NELL1: variants seen among roughly 807,000 people sequenced by gnomAD.
The protein encoded by NELL1 is neural EGFL like 1.
NELL1 carries 76 observed loss-of-function variants against 107.4 expected under a neutral mutation model. The ratio of observed to expected loss-of-function variants is 0.71; its 90% CI spans 0.59 to 0.86. The LOEUF (loss-of-function observed/expected upper bound fraction) is 0.86, where lower values mean the gene tolerates loss of function less well. Among genes scored for constraint, NELL1 ranks in the 40% least tolerant of loss-of-function variants. The pLI is 0.00. For synonymous variants in NELL1, 353 were observed against 341.2 expected (o/e 1.03, Z -0.38); for missense variants, 1,024 against 1,005.5 (o/e 1.02, Z -0.25).
intron 14 of NELL1, among the ~76,000 whole-genome samples, chr11:21,361,946 G>A (rs895949354): frequency 6.6e-6 from 1 of 151,898 alleles, no homozygotes; most frequent in African/African-American, 2.4e-5. Flanking sequence ...GTATTTCTTT[G>A]AGTAGCTTAA....
chr11:21,049,422 G>A (rs534726109), intron 12 of NELL1, among the ~76,000 whole-genome samples: 1 of 152,220 alleles, frequency 6.6e-6, no homozygotes, highest in Non-Finnish European at 1.5e-5. Context: ...CATTGTAAGA[G>A]TTTTCAAATT....
intron 13 of NELL1, among the ~76,000 whole-genome samples, chr11:21,156,495 G>A (rs553449903): frequency 9.2e-5 from 14 of 152,048 alleles, no homozygotes; most frequent in Non-Finnish European, 1.8e-4. Flanking sequence ...AGAGGAGTCT[G>A]TAGTTTGAAG....
intron 12 of NELL1, among the ~76,000 whole-genome samples, chr11:21,068,282 T>G (rs1516749): frequency 0.018 from 2,686 of 152,206 alleles, 71 homozygotes; most frequent in African/African-American, 0.06. Flanking sequence ...GTTTTATACC[T>G]TTTACATATA....
intron 15 of NELL1, among the ~76,000 whole-genome samples, chr11:21,498,552 A>C (rs78709992): frequency 0.03 from 4,553 of 151,740 alleles, 203 homozygotes; most frequent in African/African-American, 0.1. Flanking sequence ...TTTAGTTTTC[A>C]TTCTTCTAGT....
chr11:21,553,090 C>T (rs1317979193), intron 16 of NELL1, among the ~76,000 whole-genome samples: 2 of 151,826 alleles, frequency 1.3e-5, no homozygotes, highest in African/African-American at 4.8e-5. Context: ...TTGCAGAATG[C>T]TTCTTGTAGT....
intron 16 of NELL1, among the ~76,000 whole-genome samples, chr11:21,550,237 T>C (rs1856544993): frequency 2.0e-5 from 3 of 152,068 alleles, no homozygotes; most frequent in Non-Finnish European, 4.4e-5. Flanking sequence ...ATTCTGGATA[T>C]TAGCCCTTTG....
chr11:21,550,696 C>G (rs935726799), intron 16 of NELL1, among the ~76,000 whole-genome samples: 2 of 152,038 alleles, frequency 1.3e-5, no homozygotes, highest in African/African-American at 4.8e-5. Flanking sequence ...TTCCATTGAT[C>G]TATATGTCTG....
chr11:20,851,918 C>T (rs1848801755), intron 4 of NELL1, among the ~76,000 whole-genome samples: 1 of 152,174 alleles, frequency 6.6e-6, no homozygotes, highest in South Asian at 2.1e-4. Context: ...TTTGATAACT[C>T]GCAATGGCAG....
At chr11:20,795,602 C>T (rs1857154239) in intron 3 of NELL1, among the ~76,000 whole-genome samples, 1 of 152,096 alleles carries the variant, frequency 6.6e-6, no homozygotes. Flanking sequence ...ATATGTAACT[C>T]TATAAGATAT....
At position 20,688,321 on chromosome 11, in the gene NELL1, A is replaced by T. The variant is rs140558848; in HGVS notation, c.184+10261A>T. Among the ~76,000 whole-genome samples, 1,409 of 152,214 alleles carry T rather than the reference A, an allele frequency of 9.3e-3. 22 individuals carry two copies. The highest frequency in any genetic ancestry group is 0.036 in the Admixed American group (545 of 15,266). The stretch of plus-strand genomic sequence containing the variant: ...GATGCTGAGGTTTGGTGTATAATTG[A>T]TCTGGTTACCCAGGTAGTAAGGATA... On this transcript the variant is annotated intron_variant, in intron 2 of 19. Coordinates refer to ENST00000357134, the MANE Select transcript of NELL1 (RefSeq NM_006157.5).
intron 13 of NELL1, among the ~76,000 whole-genome samples, chr11:21,192,117 A>T (rs947814598): frequency 6.6e-6 from 1 of 151,898 alleles, no homozygotes; most frequent in African/African-American, 2.4e-5. Flanking sequence ...GGTAATAATT[A>T]TGGTTCTTTA....
intron 15 of NELL1, among the ~76,000 whole-genome samples, chr11:21,437,265 A>C (rs1347317475): frequency 1.3e-5 from 2 of 152,150 alleles, no homozygotes. Context: ...TTCTAATGAT[A>C]TTTGCTTTAA....
At chr11:21,136,356 G>A (rs1315487245) in intron 13 of NELL1, among the ~76,000 whole-genome samples, 2 of 152,206 alleles carry the variant, frequency 1.3e-5, no homozygotes, top group African/African-American at 2.4e-5. Context: ...GTGGGCCATG[G>A]TAAGGGGTTT....
At chr11:21,089,237 C>A (rs961572154) in intron 12 of NELL1, among the ~76,000 whole-genome samples, 8 of 152,240 alleles carry the variant, frequency 5.3e-5, no homozygotes, top group South Asian at 4.1e-4. Flanking sequence ...CATGTAGTAG[C>A]CAAGTGGAAA....
At chr11:21,321,915 C>T (rs1204364838) in intron 14 of NELL1, among the ~76,000 whole-genome samples, 2 of 152,206 alleles carry the variant, frequency 1.3e-5, no homozygotes, top group East Asian at 3.9e-4. Flanking sequence ...ACTGTAATAT[C>T]TGAACTGTTA....
chr11:20,800,224 G>A (rs1228445571), intron 3 of NELL1, among the ~76,000 whole-genome samples: 1 of 152,174 alleles, frequency 6.6e-6, no homozygotes, highest in Non-Finnish European at 1.5e-5. Context: ...ATGCTAGTGG[G>A]ATTGCTGGTT....
intron 3 of NELL1, among the ~76,000 whole-genome samples, chr11:20,786,680 G>A (rs192041637): frequency 0.014 from 2,122 of 152,050 alleles, 21 homozygotes; most frequent in Admixed American, 0.022. Context: ...AGGAGAGACC[G>A]AGGCAAGTTT....
chr11:20,818,002 G>C (rs1344904730), intron 3 of NELL1, among the ~76,000 whole-genome samples: 1 of 151,870 alleles, frequency 6.6e-6, no homozygotes, highest in Admixed American at 6.6e-5. Flanking sequence ...TTGCTTTATG[G>C]AAAAGCATGT....
chr11:21,255,582 A>G (rs1237558536), intron 14 of NELL1, among the ~76,000 whole-genome samples: 2 of 152,088 alleles, frequency 1.3e-5, no homozygotes, highest in African/African-American at 2.4e-5. Flanking sequence ...TGTACTGCTA[A>G]AGAAGTTACA....
Sources: gnomAD v4.1 joint callset for allele counts (sites outside exome capture counted in the v4.1 genomes callset) on GRCh38, gnomAD v4.1.1 for gene constraint, MANE v1.5 for transcripts, NCBI Gene and HGNC (gene_info 2026-07-23, HGNC 2026-07-21) for gene names.